Variants in LMNB1 observed in about 807,000 individuals in gnomAD.
The protein encoded by LMNB1 is lamin-B1.
In LMNB1, 23 loss-of-function variants were observed where a neutral mutation model predicts 67.1. The observed-to-expected ratio is 0.34, with a 90% CI of 0.25 to 0.49. The LOEUF is 0.49. Among genes scored for constraint, LMNB1 ranks in the 20% least tolerant of loss-of-function variants. The probability of loss-of-function intolerance (pLI) is 0.99; values close to 1 mark genes in which losing one functional copy is unlikely to be tolerated. For missense variants in LMNB1, 634 were observed against 746.5 expected (o/e 0.85, Z 1.76); for synonymous variants, 281 against 282.9 (o/e 0.99, Z 0.07).
chr5:126,814,800 A>G (rs1381310219), intron 5 of LMNB1, among the ~76,000 whole-genome samples: 1 of 152,168 alleles, frequency 6.6e-6, no homozygotes, highest in African/African-American at 2.4e-5. Context: ...TGGCCTCCCA[A>G]AATGGAAGGG....
intron 10 of LMNB1, 118 bp downstream of exon 10, chr5:126,832,919 C>G: frequency 1.7e-6 from 1 of 576,384 alleles, no homozygotes; most frequent in Non-Finnish European, 3.0e-6. Context: ...AGTTATCTAC[C>G]AAGTGGGGTT....
chr5:126,819,924 C>T (rs182803372), intron 6 of LMNB1, among the ~76,000 whole-genome samples: 51 of 152,234 alleles, frequency 3.4e-4, no homozygotes, highest in African/African-American at 1.1e-3. Flanking sequence ...GCAGGCGGAT[C>T]ACATGAGGTC....
intron 1 of LMNB1, among the ~76,000 whole-genome samples, chr5:126,786,316 G>T (rs1004774111): frequency 6.6e-6 from 1 of 151,848 alleles, no homozygotes; most frequent in East Asian, 2.0e-4. Context: ...GTAGAGACGG[G>T]GTTTCACTGT....
At chr5:126,809,724 CA>C (rs1751538011) in intron 3 of LMNB1, among the ~76,000 whole-genome samples, 1 of 150,300 alleles carries the variant, frequency 6.7e-6, no homozygotes, top group South Asian at 2.1e-4. Context: ...AGTTTCATTT[CA>C]CATAAATCTT....
intron 8 of LMNB1, among the ~76,000 whole-genome samples, chr5:126,824,272 C>T (rs1412249426): frequency 6.6e-6 from 1 of 151,850 alleles, no homozygotes. Context: ...TTCTTATAGC[C>T]GCATTAAAGT....
At chr5:126,835,815 G>A (rs1752235112) in intron 10 of LMNB1, among the ~76,000 whole-genome samples, 1 of 152,152 alleles carries the variant, frequency 6.6e-6, no homozygotes, top group South Asian at 2.1e-4. Context: ...GGCCAGATAC[G>A]GTGGCTCACG....
chr5:126,804,957 C>T (rs374222199), intron 2 of LMNB1, 25 bp downstream of exon 2: 108 of 1,597,522 alleles, frequency 6.8e-5, no homozygotes, highest in Middle Eastern at 3.3e-4. Context: ...ACTCTTGAGC[C>T]GTATGTGACA....
chr5:126,805,165 TC>T (rs1471144694), intron 2 of LMNB1, among the ~76,000 whole-genome samples: 1 of 152,184 alleles, frequency 6.6e-6, no homozygotes, highest in Admixed American at 6.5e-5. Context: ...CCCTTCTTCT[TC>T]CCTATTGTGC....
At position 126,813,243 on chromosome 5, in the gene LMNB1, T is replaced by G. The variant is rs554232599; in HGVS notation, c.939+1345T>G. ...GTGCTTTGTTACTTACGGCACAAATTTTTAAATTATTTTAAACCTATTTTG... is the reference window on the plus strand; with the variant it reads ...GTGCTTTGTTACTTACGGCACAAATGTTTAAATTATTTTAAACCTATTTTG... On this transcript the variant is annotated intron_variant, in intron 5 of 10. Transcript: ENST00000261366. Among the ~76,000 whole-genome samples the G allele has an allele frequency of 2.0e-5, 3 of 152,320 alleles. No individual in the cohort carries two copies. In the South Asian group the frequency reaches 6.2e-4, roughly 32 times the overall value.
At chr5:126,822,004 C>G (rs1323350631) in intron 7 of LMNB1, among the ~76,000 whole-genome samples, 1 of 134,420 alleles carries the variant, frequency 7.4e-6, no homozygotes, top group Non-Finnish European at 1.5e-5. Context: ...TCTAAGGTCT[C>G]TTTGTAGCCT....
At position 126,777,522 on chromosome 5, in the gene LMNB1, C is replaced by A; in HGVS notation, c.14C>A (p.Thr5Asn). The A allele has an allele frequency of 7.2e-7, 1 of 1,380,872 alleles. No homozygotes were observed. The highest frequency in any genetic ancestry group is 1.5e-5 in the African/African-American group (1 of 65,992). 85.5% of individuals were successfully genotyped at this position (1,380,872 alleles called of 1,614,324 possible). A position where few individuals can be genotyped will look rare whatever the true frequency, so the allele number is the denominator to read the frequency against. ...CCGCCGCCCGCCATGGCGACTGCGA[C>A]CCCCGTGCCGCCGCGGATGGGCAGC... MATATPVPPRMGSRA... is the reference protein window; with the variant it reads MATANPVPPRMGSRA... The change falls in exon 1 of 11, where the codon ACC (threonine) becomes AAC (asparagine). Residue 5 changes from threonine to asparagine, a missense_variant. Physicochemically the swap from Thr to Asn is moderately conservative, Grantham distance 65. Coordinates refer to ENST00000261366, the MANE Select transcript of LMNB1 (RefSeq NM_005573.4).
intron 1 of LMNB1, among the ~76,000 whole-genome samples, chr5:126,787,546 A>ATATTTT: frequency 3.0e-5 from 2 of 65,580 alleles, no homozygotes; most frequent in African/African-American, 6.6e-5. Context: ...ATATATATAT[A>ATATTTT]TTTTTTTTTT....
intron 9 of LMNB1, among the ~76,000 whole-genome samples, chr5:126,827,974 T>C (rs1299877990): frequency 6.6e-6 from 1 of 152,194 alleles, no homozygotes; most frequent in Non-Finnish European, 1.5e-5. Context: ...CAAGGGCCTG[T>C]TCTGGTAGAT....
intron 8 of LMNB1, among the ~76,000 whole-genome samples, chr5:126,825,634 T>TG (rs1751976620): frequency 6.6e-6 from 1 of 152,210 alleles, no homozygotes; most frequent in Non-Finnish European, 1.5e-5. Context: ...GGTTATCACT[T>TG]GCTCTTTTCA....
At chr5:126,799,714 A>G (rs1751216413) in intron 1 of LMNB1, among the ~76,000 whole-genome samples, 1 of 152,198 alleles carries the variant, frequency 6.6e-6, no homozygotes. Flanking sequence ...GATTAGGTAA[A>G]TATGTCTCAA....
At chr5:126,782,784 G>A (rs1025563563) in intron 1 of LMNB1, among the ~76,000 whole-genome samples, 1 of 151,986 alleles carries the variant, frequency 6.6e-6, no homozygotes, top group Admixed American at 6.6e-5. Flanking sequence ...TCTTGACCTC[G>A]TGATCTGCCC....
rs752371260 is a variant in LMNB1, at chr5:126,792,567, ATTT to A, written c.360-12185_360-12183del. ...GTGCAGGGAACAGAAAGCACTAGGG[ATTT>A]TTTTTTTTTTTTTTTTTTTTTTTGA... is the stretch of plus-strand genomic sequence containing the variant. On this transcript the variant is annotated intron_variant, in intron 1 of 10. Coordinates refer to ENST00000261366, the MANE Select transcript of LMNB1 (RefSeq NM_005573.4). Among the ~76,000 whole-genome samples, 226 of 99,138 alleles carry A rather than the reference ATTT, an allele frequency of 2.3e-3. 1 individual carries two copies. The highest frequency in any genetic ancestry group is 8.4e-3 in the African/African-American group (200 of 23,696). 65.0% of individuals were successfully genotyped at this position (99,138 alleles called of 152,430 possible).
At chr5:126,830,025 A>G (rs1454147160) in intron 9 of LMNB1, among the ~76,000 whole-genome samples, 3 of 152,254 alleles carry the variant, frequency 2.0e-5, no homozygotes, top group South Asian at 2.1e-4. Flanking sequence ...AAACTTTTGT[A>G]TATGCAAATG....
At chr5:126,798,134 A>AAAACAAACAAACAAACAAAC (rs143035589) in intron 1 of LMNB1, among the ~76,000 whole-genome samples, 1 of 148,094 alleles carries the variant, frequency 6.8e-6, no homozygotes, top group African/African-American at 2.5e-5. Flanking sequence ...AGACCGTCTC[A>AAAACAAACAAACAAACAAAC]AAACAAACAA....
Sources: gnomAD v4.1 joint callset for allele counts (sites outside exome capture counted in the v4.1 genomes callset) on GRCh38, gnomAD v4.1.1 for gene constraint, MANE v1.5 for transcripts, NCBI Gene and HGNC (gene_info 2026-07-23, HGNC 2026-07-21) for gene names.